Variants in CBLN2 observed in about 807,000 individuals in gnomAD.
CBLN2 encodes cerebellin 2 precursor.
Under a neutral mutation model 15.0 loss-of-function variants are expected in CBLN2, and 7 were observed. That is an observed-to-expected ratio of 0.47 (90% CI 0.27 to 0.88). The LOEUF is 0.88. Among genes scored for constraint, CBLN2 ranks in the 40% least tolerant of loss-of-function variants. The pLI, the probability that CBLN2 is intolerant of heterozygous loss-of-function variation, is 0.14. For synonymous variants in CBLN2, 149 were observed against 135.2 expected (o/e 1.10, Z -0.71); for missense variants, 242 against 304.5 (o/e 0.79, Z 1.53).
intron 1 of CBLN2, among the ~76,000 whole-genome samples, chr18:72,615,055 A>G (rs1242500286): frequency 7.2e-6 from 1 of 138,482 alleles, no homozygotes; most frequent in Admixed American, 7.9e-5. Context: ...ATATATATAT[A>G]TAAATATATA....
chr18:72,623,804 G>A (rs1287615587), intron 1 of CBLN2, among the ~76,000 whole-genome samples: 1 of 152,092 alleles, frequency 6.6e-6, no homozygotes, highest in Non-Finnish European at 1.5e-5. Context: ...GAAGTGCTGC[G>A]GCATGACAAG....
chr18:72,606,279 AG>A (rs2069582945), intron 1 of CBLN2, among the ~76,000 whole-genome samples: 1 of 152,194 alleles, frequency 6.6e-6, no homozygotes, highest in African/African-American at 2.4e-5. Flanking sequence ...AGCTCTCCAA[AG>A]CCACTGTTAT....
intron 1 of CBLN2, among the ~76,000 whole-genome samples, chr18:72,625,995 T>G (rs975104784): frequency 6.6e-6 from 1 of 151,708 alleles, no homozygotes; most frequent in Non-Finnish European, 1.5e-5. Context: ...TTTCCGGTCA[T>G]TTATCACAGC....
intron 1 of CBLN2, among the ~76,000 whole-genome samples, chr18:72,635,716 C>A (rs2069807906): frequency 6.6e-6 from 1 of 152,014 alleles, no homozygotes; most frequent in African/African-American, 2.4e-5. Flanking sequence ...AGATATTTAT[C>A]TTTAAAAGTC....
intron 1 of CBLN2, among the ~76,000 whole-genome samples, chr18:72,556,730 T>C (rs922526761): frequency 6.6e-6 from 1 of 151,784 alleles, no homozygotes; most frequent in East Asian, 1.9e-4. Context: ...TTGAAAAAAA[T>C]AAGAAAAGTG....
intron 1 of CBLN2, among the ~76,000 whole-genome samples, chr18:72,593,578 C>T (rs1271939436): frequency 6.6e-6 from 1 of 152,142 alleles, no homozygotes; most frequent in East Asian, 1.9e-4. Context: ...GCATTCCTGT[C>T]TTGTTCCAGA....
At chr18:72,626,981 A>G (rs530825558) in intron 1 of CBLN2, among the ~76,000 whole-genome samples, 6 of 152,316 alleles carry the variant, frequency 3.9e-5, no homozygotes, top group South Asian at 2.1e-4. Flanking sequence ...GGACACATGC[A>G]GTGTGTACTC....
In CBLN2 at chr18:72,541,817, A is replaced by T; in HGVS notation, c.344T>A (p.Ile115Asn). Residue 115 changes from isoleucine (I) to asparagine (N), a missense_variant, in exon 3 of 5, where the codon ATC (isoleucine) becomes AAC (asparagine). Physicochemically the swap from Ile to Asn is moderately radical, Grantham distance 149. This residue lies in a region of CBLN2 where 89 missense variants were observed against 114.2 expected (regional missense o/e 0.78). Transcript: ENST00000269503. ...CCGACGGCTGACCTGGTCGAAATAG[A>T]TGGTCATGGTGCGGTTGCTCATCTC... ...PSEMSNRTMT[I>N]YFDQVLVNIG... 2 of 1,565,138 alleles carry T rather than the reference A, an allele frequency of 1.3e-6. No individual in the cohort carries two copies. Among genetic ancestry groups the T allele is most frequent in the Non-Finnish European group, 1.7e-6 (2 of 1,156,506 alleles).
chr18:72,561,153 A>AAC (rs1420248266), intron 1 of CBLN2, among the ~76,000 whole-genome samples: 1 of 151,860 alleles, frequency 6.6e-6, no homozygotes, highest in African/African-American at 2.4e-5. Context: ...CATACACACA[A>AAC]ACACACACAC....
chr18:72,565,987 A>G (rs972916528), intron 1 of CBLN2, among the ~76,000 whole-genome samples: 2 of 152,180 alleles, frequency 1.3e-5, no homozygotes, highest in African/African-American at 4.8e-5. Context: ...ACATAACCAG[A>G]TTTTTTTAAA....
chr18:72,576,655 AT>A (rs2069368736), intron 1 of CBLN2, among the ~76,000 whole-genome samples: 1 of 152,086 alleles, frequency 6.6e-6, no homozygotes, highest in Non-Finnish European at 1.5e-5. Flanking sequence ...AAATCCTTTT[AT>A]TTAGTATCTA....
rs1221044115 is a variant in CBLN2 at position 72,538,549 on chromosome 18, C to G, written c.477+104G>C. The stretch of plus-strand genomic sequence containing the variant: ...AGAGCCACATCACCCCCTGGACAGA[C>G]CAGTACCCTGTCTCCCTCAGCCTCA... On this transcript the variant is annotated intron_variant, in intron 4 of 4. Transcript: ENST00000269503. The G allele has an allele frequency of 2.0e-6, 3 of 1,521,874 alleles. No homozygotes were observed. The African/African-American group carries it at 4.1e-5, about 21-fold the overall frequency. The allele number at this position is 1,521,874 out of a possible 1,614,324, so 94.3% of individuals were successfully genotyped here. A position where few individuals can be genotyped will look rare whatever the true frequency, so the allele number is the denominator to read the frequency against.
At chr18:72,585,116 C>G (rs2069433640) in intron 1 of CBLN2, among the ~76,000 whole-genome samples, 1 of 152,152 alleles carries the variant, frequency 6.6e-6, no homozygotes, top group Non-Finnish European at 1.5e-5. Flanking sequence ...ACCACAGAGC[C>G]CCAAAAAGGG....
At chr18:72,610,935 C>A (rs1468875396) in intron 1 of CBLN2, among the ~76,000 whole-genome samples, 2 of 152,058 alleles carry the variant, frequency 1.3e-5, no homozygotes, top group Non-Finnish European at 2.9e-5. Context: ...TTATTATTAT[C>A]TTTATGTCTG....
Position 72,537,857 on chromosome 18 carries a change from A to G in CBLN2, c.*319T>C, listed in dbSNP as rs1598985496. ...GGGACGACAATACAACATACAAACAAAAGAGGTCCATGGTCCCAACAATAA... is the reference window on the plus strand; with the variant it reads ...GGGACGACAATACAACATACAAACAGAAGAGGTCCATGGTCCCAACAATAA... On this transcript the variant is annotated 3_prime_UTR_variant, in exon 5 of 5. Coordinates refer to ENST00000269503, the MANE Select transcript of CBLN2 (RefSeq NM_182511.4). The G allele has an allele frequency of 5.3e-6, 2 of 378,620 alleles. No homozygotes were observed. Among genetic ancestry groups the G allele is most frequent in the East Asian group, 1.2e-4 (2 of 16,562 alleles). 23.5% of individuals were successfully genotyped at this position (378,620 alleles called of 1,614,324 possible).
chr18:72,597,349 A>G (rs2069519732), intron 1 of CBLN2, among the ~76,000 whole-genome samples: 1 of 152,208 alleles, frequency 6.6e-6, no homozygotes, highest in African/African-American at 2.4e-5. Flanking sequence ...TTAAATTACC[A>G]GGCAGTTACT....
chr18:72,607,900 G>A (rs919772568), intron 1 of CBLN2, among the ~76,000 whole-genome samples: 4 of 152,106 alleles, frequency 2.6e-5, no homozygotes, highest in African/African-American at 9.7e-5. Context: ...GCCACATCCA[G>A]CAGTAGTCTA....
rs137899122 is a variant in CBLN2, at chr18:72,607,678, C to CCTCTCTCT, written c.15+30639_15+30646dup. Among the ~76,000 whole-genome samples the CCTCTCTCT allele has an allele frequency of 2.1e-3, 313 of 149,684 alleles. 2 individuals carry two copies. Among genetic ancestry groups the CCTCTCTCT allele is most frequent in the African/African-American group, 7.4e-3 (300 of 40,468 alleles). On this transcript the variant is annotated intron_variant, in intron 1 of 2. Coordinates refer to the CBLN2 transcript ENST00000581073. ...AACATTTATAGGAGCTATGTAGATA[C>CCTCTCTCT]CTCTCTCTCTCTCTCTTTCTCTCTT...
chr18:72,613,539 G>T (rs2069637881), intron 1 of CBLN2, among the ~76,000 whole-genome samples: 1 of 151,932 alleles, frequency 6.6e-6, no homozygotes, highest in South Asian at 2.1e-4. Context: ...AATGTGGCAT[G>T]CCCTGGTGAT....
Sources: allele counts gnomAD v4.1 joint callset (sites outside exome capture counted in the v4.1 genomes callset), GRCh38; gene constraint gnomAD v4.1.1; regional missense constraint gnomAD v4.1.1; transcripts MANE v1.5; gene names NCBI Gene and HGNC (gene_info 2026-07-23, HGNC 2026-07-21).